Variants in ANKRD44 observed in about 807,000 individuals in gnomAD.
The protein encoded by ANKRD44 is serine/threonine-protein phosphatase 6 regulatory ankyrin repeat subunit B.
ANKRD44 carries 35 observed loss-of-function variants against 116.0 expected under a neutral mutation model. The ratio of observed to expected loss-of-function variants is 0.30; its 90% confidence interval spans 0.23 to 0.40. The LOEUF is 0.40. Ranked by LOEUF, ANKRD44 falls within the 10% of genes least tolerant of loss-of-function variation. The pLI, the probability that ANKRD44 is intolerant of heterozygous loss-of-function variation, is 1.00. For synonymous variants in ANKRD44, 435 were observed against 461.8 expected (o/e 0.94, Z 0.74); for missense variants, 1,014 against 1,242.6 (o/e 0.82, Z 2.77).
chr2:197,263,094 C>T (rs973859177), intron 1 of ANKRD44: 6 of 456,956 alleles, frequency 1.3e-5, no homozygotes, highest in South Asian at 7.7e-5. Context: ...CCTGCCACAG[C>T]CCCTCACCCC....
At chr2:197,026,382 G>A (rs1217015540) in intron 16 of ANKRD44, among the ~76,000 whole-genome samples, 1 of 152,214 alleles carries the variant, frequency 6.6e-6, no homozygotes, top group African/African-American at 2.4e-5. Context: ...ACTTTATGTA[G>A]GGTGATTAGG....
intron 1 of ANKRD44, among the ~76,000 whole-genome samples, chr2:197,299,011 T>A (rs1056588056): frequency 2.6e-5 from 4 of 152,220 alleles, no homozygotes; most frequent in African/African-American, 9.6e-5. Context: ...CAATATCCTA[T>A]TCACACTTTA....
intron 21 of ANKRD44, 21 bp downstream of exon 21, chr2:197,005,673 G>C (rs1368449183): frequency 6.2e-7 from 1 of 1,611,980 alleles, no homozygotes. Flanking sequence ...AGTGGAATCA[G>C]TCAAATGATA....
chr2:197,012,344 C>G lies in ANKRD44; in HGVS notation c.1924+1167G>C, dbSNP rs141474282. On this transcript the variant is annotated intron_variant, in intron 18 of 27. Transcript: ENST00000282272. Reference sequence around the variant, plus strand: ...CGATTTTCCACAATCAAAGTAGGCCCTTTGTAATTGTCAGGAATTATATAA... The same window carrying G: ...CGATTTTCCACAATCAAAGTAGGCCGTTTGTAATTGTCAGGAATTATATAA... Among the ~76,000 whole-genome samples the G allele has an allele frequency of 2.7e-3, 407 of 152,024 alleles. 1 individual carries two copies. The highest frequency in any genetic ancestry group is 0.02 in the South Asian group (96 of 4,824).
intron 1 of ANKRD44, among the ~76,000 whole-genome samples, chr2:197,262,395 CT>C (rs2105734856): frequency 6.6e-6 from 1 of 152,302 alleles, no homozygotes; most frequent in East Asian, 1.9e-4. Flanking sequence ...GAAGTGAACT[CT>C]ATTTACTGGC....
intron 9 of ANKRD44, among the ~76,000 whole-genome samples, chr2:197,106,446 A>G (rs540427849): frequency 6.6e-6 from 1 of 151,898 alleles, no homozygotes; most frequent in South Asian, 2.1e-4. Context: ...TTTCATCCCA[A>G]AAAAAGAAAG....
chr2:197,031,434 T>G (rs1243838241), intron 16 of ANKRD44, among the ~76,000 whole-genome samples: 1 of 152,202 alleles, frequency 6.6e-6, no homozygotes, highest in Non-Finnish European at 1.5e-5. Context: ...GCCCCAAACT[T>G]CTGGGCTAAA....
chr2:196,997,452 C>CT (rs35812345), intron 25 of ANKRD44, among the ~76,000 whole-genome samples: 105,476 of 135,884 alleles, frequency 0.78, 41,932 homozygotes, highest in East Asian at 0.96. Context: ...TATAATTTAT[C>CT]TTTTTTTTTT....
chr2:197,278,753 C>T (rs909735011), intron 1 of ANKRD44, among the ~76,000 whole-genome samples: 11 of 152,212 alleles, frequency 7.2e-5, no homozygotes, highest in Non-Finnish European at 1.6e-4. Flanking sequence ...ACTTTCTCTT[C>T]CCCACCACCC....
intron 17 of ANKRD44, 42 bp from the exon 18 acceptor site, chr2:197,013,754 C>G (rs571263030): frequency 1.9e-6 from 3 of 1,605,624 alleles, no homozygotes; most frequent in South Asian, 2.2e-5. Flanking sequence ...TGCTCGCTCA[C>G]CTCAAATCCC....
intron 2 of ANKRD44, among the ~76,000 whole-genome samples, chr2:197,184,580 C>T (rs921282478): frequency 2.8e-5 from 4 of 141,860 alleles, no homozygotes; most frequent in Non-Finnish European, 6.0e-5. Context: ...ATGGTGGTTG[C>T]AGTGAGCCGA....
At chr2:196,998,162 C>T (rs2076047968) in intron 25 of ANKRD44, among the ~76,000 whole-genome samples, 175 bp downstream of exon 25, 1 of 152,168 alleles carries the variant, frequency 6.6e-6, no homozygotes, top group Admixed American at 6.5e-5. Context: ...AACACGAATG[C>T]ATTGTTGGGT....
At chr2:196,980,170 G>A (rs768810583) in intron 21 of ANKRD44, among the ~76,000 whole-genome samples, 8 of 152,092 alleles carry the variant, frequency 5.3e-5, no homozygotes, top group African/African-American at 1.7e-4. Flanking sequence ...GGCACCAACC[G>A]AGCCCTTTAT....
At chr2:197,145,556 T>C (rs73051386) in intron 3 of ANKRD44, among the ~76,000 whole-genome samples, 8,585 of 152,226 alleles carry the variant, frequency 0.056, 479 homozygotes, top group African/African-American at 0.14. Flanking sequence ...AAGAAAGGCC[T>C]ATTCTCAAAA....
chr2:196,998,490 C>A (rs1966703), intron 24 of ANKRD44, 71 bp from the exon 25 acceptor site: 5 of 1,064,176 alleles, frequency 4.7e-6, no homozygotes, highest in Non-Finnish European at 7.2e-6. Flanking sequence ...GAAGTTACTA[C>A]AAACACAATA....
intron 1 of ANKRD44, among the ~76,000 whole-genome samples, chr2:197,249,677 T>C (rs559426369): frequency 2.0e-5 from 3 of 152,362 alleles, no homozygotes; most frequent in African/African-American, 7.2e-5. Flanking sequence ...TGTAGAGTTA[T>C]AGGTTTACAT....
At chr2:197,040,747 A>G in intron 16 of ANKRD44, among the ~76,000 whole-genome samples, 1 of 152,156 alleles carries the variant, frequency 6.6e-6, no homozygotes, top group East Asian at 1.9e-4. Context: ...AAAAGCCTCC[A>G]GAGGTCATAG....
At chr2:197,265,232 CTT>C (rs112311831) in intron 1 of ANKRD44, among the ~76,000 whole-genome samples, 42 of 59,390 alleles carry the variant, frequency 7.1e-4, no homozygotes, top group Admixed American at 8.4e-4. Context: ...CACTTTTTTT[CTT>C]TTTTTTTTTT....
intron 9 of ANKRD44, among the ~76,000 whole-genome samples, chr2:197,108,332 C>A (rs1432857472): frequency 2.0e-5 from 3 of 152,188 alleles, no homozygotes; most frequent in African/African-American, 7.2e-5. Flanking sequence ...ACACTATGAA[C>A]ACTTGGCTTT....
Sources: allele counts gnomAD v4.1 joint callset (sites outside exome capture counted in the v4.1 genomes callset), GRCh38; gene constraint gnomAD v4.1.1; transcripts MANE v1.5; gene names NCBI Gene and HGNC (gene_info 2026-07-23, HGNC 2026-07-21).